Variants in USPL1 observed in about 807,000 individuals in gnomAD.
USPL1 encodes ubiquitin specific peptidase like 1, also known as SUMO-specific isopeptidase USPL1.
A neutral mutation model predicts 51.5 loss-of-function variants in USPL1; 27 were observed. The observed-to-expected ratio is 0.52, with a 90% confidence interval of 0.39 to 0.72. The LOEUF (loss-of-function observed/expected upper bound fraction) is 0.72. Ranked by LOEUF, USPL1 falls within the 30% of genes least tolerant of loss-of-function variation. The pLI, the probability that USPL1 is intolerant of heterozygous loss-of-function variation, is 0.00. For missense variants in USPL1, 1,226 were observed against 1,268.0 expected (o/e 0.97, Z 0.50); for synonymous variants, 451 against 459.6 (o/e 0.98, Z 0.24).
chr13:30,640,328 A>C (rs1365140019), intron 5 of USPL1, among the ~76,000 whole-genome samples: 1 of 152,244 alleles, frequency 6.6e-6, no homozygotes, highest in Non-Finnish European at 1.5e-5. Context: ...CTGTTTATGC[A>C]TACAGTGTTG....
At chr13:30,645,445 T>C (rs1951005940) in intron 6 of USPL1, among the ~76,000 whole-genome samples, 1 of 152,228 alleles carries the variant, frequency 6.6e-6, no homozygotes, top group Non-Finnish European at 1.5e-5. Flanking sequence ...TTTAGAGATA[T>C]ATAGCACAAA....
chr13:30,659,560 G>T lies in USPL1; in HGVS notation c.*204G>T. ...AATCACTGAATGTGTTCTCCTTTTTGGTTTCATTTTGTTCTTGTGAGAGTA... is the reference window on the plus strand; with the variant it reads ...AATCACTGAATGTGTTCTCCTTTTTTGTTTCATTTTGTTCTTGTGAGAGTA... On this transcript the variant is annotated 3_prime_UTR_variant, in exon 9 of 9. Transcript: ENST00000255304. 2.1e-6 allele frequency: 1 copy of T among 476,748 alleles called. No homozygotes were observed. Among genetic ancestry groups the T allele is most frequent in the South Asian group, 4.6e-5 (1 of 21,510 alleles). 29.5% of individuals were successfully genotyped at this position (476,748 alleles called of 1,614,324 possible).
intron 1 of USPL1, among the ~76,000 whole-genome samples, 183 bp from the exon 2 acceptor site, chr13:30,620,890 A>G (rs184300862): frequency 2.6e-5 from 4 of 152,302 alleles, no homozygotes; most frequent in Admixed American, 6.5e-5. Context: ...TCTGTTCACA[A>G]ATTTGCTGGG....
intron 6 of USPL1, among the ~76,000 whole-genome samples, chr13:30,643,113 G>A (rs1377139751): frequency 6.6e-6 from 1 of 152,074 alleles, no homozygotes; most frequent in Non-Finnish European, 1.5e-5. Flanking sequence ...GGCTCTTGGA[G>A]GCTAGCAGCA....
intron 1 of USPL1, among the ~76,000 whole-genome samples, chr13:30,619,021 G>C (rs1950611458): frequency 1.3e-5 from 2 of 152,176 alleles, no homozygotes; most frequent in African/African-American, 4.8e-5. Flanking sequence ...GTGACTTACT[G>C]TGCGAAGAGG....
At chr13:30,629,949 A>G (rs921521076) in intron 3 of USPL1, among the ~76,000 whole-genome samples, 5 of 151,916 alleles carry the variant, frequency 3.3e-5, no homozygotes, top group Non-Finnish European at 5.9e-5. Flanking sequence ...TGTGTAAAAG[A>G]AGGCATTAAT....
intron 4 of USPL1, 152 bp downstream of exon 4, chr13:30,631,626 A>C: frequency 1.5e-6 from 1 of 684,560 alleles, no homozygotes; most frequent in Non-Finnish European, 2.4e-6. Context: ...TCAGTCTCCC[A>C]AGTAGCTGGA....
chr13:30,619,606 A>T (rs565738532), intron 1 of USPL1, among the ~76,000 whole-genome samples: 118 of 152,352 alleles, frequency 7.7e-4, no homozygotes, highest in South Asian at 4.1e-4. Flanking sequence ...GAAGTATAAA[A>T]TTAGCACCAA....
chr13:30,653,424 C>A, intron 8 of USPL1, 119 bp downstream of exon 8: 1 of 1,046,520 alleles, frequency 9.6e-7, no homozygotes, highest in Non-Finnish European at 1.3e-6. Context: ...CTCTTTCTCT[C>A]TCCATTCTCG....
At chr13:30,641,080 C>T (rs776451297) in intron 5 of USPL1, among the ~76,000 whole-genome samples, 1 of 152,204 alleles carries the variant, frequency 6.6e-6, no homozygotes, top group Non-Finnish European at 1.5e-5. Context: ...AGTTGCTTCT[C>T]TAGTACTTTT....
intron 1 of USPL1, among the ~76,000 whole-genome samples, chr13:30,619,473 A>G (rs1344449461): frequency 6.6e-6 from 1 of 152,208 alleles, no homozygotes; most frequent in East Asian, 1.9e-4. Flanking sequence ...AAAGTTTTCT[A>G]GGTTCCCTCA....
At chr13:30,629,162 G>A (rs538417672) in intron 3 of USPL1, among the ~76,000 whole-genome samples, 1 of 152,276 alleles carries the variant, frequency 6.6e-6, no homozygotes, top group Admixed American at 6.5e-5. Flanking sequence ...GTGCATTTCA[G>A]TTATCTGTTG....
chr13:30,638,467 A>G (rs1950904611), intron 5 of USPL1, among the ~76,000 whole-genome samples: 1 of 152,178 alleles, frequency 6.6e-6, no homozygotes, highest in African/African-American at 2.4e-5. Context: ...GGGCACAAGG[A>G]TGGGACCTCT....
At chr13:30,649,711 C>T (rs574362322) in intron 7 of USPL1, among the ~76,000 whole-genome samples, 45 of 152,262 alleles carry the variant, frequency 3.0e-4, no homozygotes, top group Admixed American at 1.3e-3. Context: ...CACAGGGACG[C>T]GATATTTCTC....
In USPL1 at chr13:30,658,178, C is replaced by T; in HGVS notation, c.2101C>T (p.Gln701Ter). The change falls in exon 9 of 9, where the codon CAG (glutamine) becomes TAG (stop). Residue 701 changes from glutamine to a stop codon, truncating the protein, a stop_gained. Coordinates refer to ENST00000255304, the MANE Select transcript of USPL1 (RefSeq NM_005800.5). LOFTEE classifies it low-confidence loss of function (END_TRUNC). ...VKSVEIEKDA[Q>*]LKQFLTPKTE... ...GTCAGTAGAAATTGAGAAGGACGCT[C>T]AGTTAAAACAATTCCTTACACCAAA... 1.2e-6 allele frequency: 2 copies of T among 1,612,996 alleles called. No homozygotes were observed. The highest frequency in any genetic ancestry group is 1.7e-6 in the Non-Finnish European group (2 of 1,179,796).
In USPL1 at chr13:30,658,713, A is replaced by T. The variant is rs1422681576; in HGVS notation, c.2636A>T (p.Asp879Val). The T allele has an allele frequency of 6.2e-7, 1 of 1,614,218 alleles. No individual in the cohort carries two copies. The highest frequency in any genetic ancestry group is 2.2e-5 in the East Asian group (1 of 44,880). Residue 879 changes from aspartate to valine, a missense_variant, in exon 9 of 9, where the codon GAC (aspartate) becomes GTC (valine). Physicochemically the swap from Asp to Val is radical, Grantham distance 152. Coordinates refer to ENST00000255304, the MANE Select transcript of USPL1 (RefSeq NM_005800.5). ...GNGISSANHE[D>V]LVEGQIHKLR... ...GGTATTTCTTCAGCAAACCATGAAG[A>T]CTTGGTGGAAGGTCAGATTCATAAA... is the stretch of plus-strand genomic sequence containing the variant.
chr13:30,641,131 T>C (rs1408821401), intron 5 of USPL1, among the ~76,000 whole-genome samples: 10 of 152,210 alleles, frequency 6.6e-5, no homozygotes, highest in Non-Finnish European at 1.5e-4. Context: ...CAATTGTGCA[T>C]TAAAAAGCAC....
chr13:30,636,364 A>C (rs939885218), intron 4 of USPL1, among the ~76,000 whole-genome samples: 1 of 150,262 alleles, frequency 6.7e-6, no homozygotes, highest in East Asian at 1.9e-4. Flanking sequence ...TTTTTTTGGC[A>C]TGGTCAAATA....
At chr13:30,656,516 T>C (rs1951166437) in intron 8 of USPL1, among the ~76,000 whole-genome samples, 1 of 152,244 alleles carries the variant, frequency 6.6e-6, no homozygotes. Flanking sequence ...GATTCATTTG[T>C]GTTGTGGGAT....
Sources: gnomAD v4.1 joint callset for allele counts (sites outside exome capture counted in the v4.1 genomes callset) on GRCh38, gnomAD v4.1.1 for gene constraint, MANE v1.5 for transcripts, NCBI Gene and HGNC (gene_info 2026-07-23, HGNC 2026-07-21) for gene names.